The following RBFOX3 variants were observed in gnomAD, a reference collection of about 807,000 sequenced individuals.
The protein encoded by RBFOX3 is RNA binding fox-1 homolog 3.
RBFOX3 carries 17 observed loss-of-function variants against 48.7 expected under a neutral mutation model. The observed-to-expected ratio is 0.35, with a 90% CI of 0.24 to 0.52. The LOEUF (loss-of-function observed/expected upper bound fraction) is 0.52. Ranked by LOEUF, RBFOX3 falls within the 20% of genes least tolerant of loss-of-function variation. RBFOX3 has a pLI of 0.94. For synonymous variants in RBFOX3, 212 were observed against 209.5 expected, an observed-to-expected ratio of 1.01 and a Z score of -0.10; for missense variants, 382 against 497.5, an observed-to-expected ratio of 0.77 and a Z score of 2.21.
chr17:79,163,697 G>A (rs534187649), intron 4 of RBFOX3, among the ~76,000 whole-genome samples: 2 of 142,784 alleles, frequency 1.4e-5, no homozygotes, highest in East Asian at 2.4e-4. Context: ...CCACCCGCCC[G>A]CACCCCACTT....
intron 5 of RBFOX3, among the ~76,000 whole-genome samples, chr17:79,112,800 C>T (rs1235376551): frequency 1.3e-5 from 2 of 150,890 alleles, no homozygotes; most frequent in East Asian, 2.0e-4. Context: ...TCCCCTTGGG[C>T]GAGAGGGCGG....
intron 1 of RBFOX3, among the ~76,000 whole-genome samples, chr17:79,539,571 G>A (rs1181585220): frequency 1.3e-5 from 2 of 152,198 alleles, no homozygotes; most frequent in Non-Finnish European, 2.9e-5. Flanking sequence ...GCATGGTGGT[G>A]TCTGTGCATT....
intron 2 of RBFOX3, among the ~76,000 whole-genome samples, chr17:79,427,785 A>G (rs2067658204): frequency 6.6e-6 from 1 of 152,262 alleles, no homozygotes; most frequent in African/African-American, 2.4e-5. Context: ...ACAGATGCGC[A>G]CACACATATT....
chr17:79,527,215 A>G (rs2086915348), intron 1 of RBFOX3, among the ~76,000 whole-genome samples: 1 of 152,242 alleles, frequency 6.6e-6, no homozygotes, highest in Non-Finnish European at 1.5e-5. Flanking sequence ...GCGGATGCAG[A>G]GCACGCCTGC....
intron 2 of RBFOX3, among the ~76,000 whole-genome samples, chr17:79,395,561 C>T (rs769173330): frequency 1.3e-5 from 2 of 152,218 alleles, no homozygotes; most frequent in South Asian, 2.1e-4. Flanking sequence ...CAGTGGACAG[C>T]GAGGTTCCCT....
intron 1 of RBFOX3, among the ~76,000 whole-genome samples, chr17:79,561,642 C>T (rs1281729689): frequency 6.6e-6 from 1 of 152,172 alleles, no homozygotes; most frequent in Non-Finnish European, 1.5e-5. Context: ...CCCCTCGAGG[C>T]AAGCACCACC....
chr17:79,454,913 G>A (rs1254689344), intron 2 of RBFOX3, among the ~76,000 whole-genome samples: 3 of 152,188 alleles, frequency 2.0e-5, no homozygotes, highest in Non-Finnish European at 2.9e-5. Flanking sequence ...GCACCCAGAG[G>A]CAGGAGATAC....
chr17:79,478,701 C>T (rs2078334829), intron 2 of RBFOX3, among the ~76,000 whole-genome samples: 1 of 152,212 alleles, frequency 6.6e-6, no homozygotes. Context: ...GCAGATGACC[C>T]TCCTCTGGAG....
rs927859646 is a variant in RBFOX3, at chr17:79,249,246, G to A, written c.-73-13441C>T. ...GCGCGCTCAGGTCTTCAAAGCCACC[G>A]TTTGTGCTTGGGCTGCGGATTCTGG... is the stretch of plus-strand genomic sequence containing the variant. On this transcript the variant is annotated intron_variant, in intron 3 of 14. Coordinates refer to ENST00000693108, the MANE Select transcript of RBFOX3 (RefSeq NM_001350451.2). The surrounding 1 kb of genome is among the most constrained non-coding windows in gnomAD (Gnocchi z 4.1). 2.0e-5 allele frequency among the ~76,000 whole-genome samples: 3 copies of A among 152,156 alleles called. No homozygotes were observed. The highest frequency in any genetic ancestry group is 2.1e-4 in the South Asian group (1 of 4,830).
rs372557336 is a variant in RBFOX3, at chr17:79,464,667, AAAG to A, written c.-175+17784_-175+17786del. ...TAAGAAGCCAAAAAGGAAAAAAGAAAAAGAAGGAGAATACATTTCTGCCACTGC... is the reference window on the plus strand; with the variant it reads ...TAAGAAGCCAAAAAGGAAAAAAGAAAAAGGAGAATACATTTCTGCCACTGC... On this transcript the variant is annotated intron_variant, in intron 2 of 14. Transcript: ENST00000693108. Among the ~76,000 whole-genome samples the A allele has an allele frequency of 4.6e-5, 7 of 152,370 alleles. No individual in the cohort carries two copies. In the East Asian group the frequency reaches 7.7e-4, roughly 17 times the overall value.
At position 79,254,400 on chromosome 17, in the gene RBFOX3, C is replaced by A. The variant is rs1297468811; in HGVS notation, c.-73-18595G>T. Among the ~76,000 whole-genome samples, 3 of 151,794 alleles carry A rather than the reference C, an allele frequency of 2.0e-5. No homozygotes were observed. The highest frequency in any genetic ancestry group is 7.3e-5 in the African/African-American group (3 of 41,314). Reference sequence around the variant, plus strand: ...CTAGCTCCACATACCCCCAAACCTGCCCCCCAATCCAGGACACATGGCACC... The same window carrying A: ...CTAGCTCCACATACCCCCAAACCTGACCCCCAATCCAGGACACATGGCACC... On this transcript the variant is annotated intron_variant, in intron 3 of 14. Transcript: ENST00000693108. This position sits in a 1 kb window ranked among gnomAD's most constrained non-coding sequence, Gnocchi z 4.8.
chr17:79,523,715 A>G (rs2086429778), intron 1 of RBFOX3, among the ~76,000 whole-genome samples: 1 of 152,206 alleles, frequency 6.6e-6, no homozygotes, highest in Admixed American at 6.5e-5. Context: ...TGCCCTCGGG[A>G]CTCACAACCC....
intron 2 of RBFOX3, among the ~76,000 whole-genome samples, chr17:79,358,754 C>T (rs936401244): frequency 2.0e-5 from 3 of 152,240 alleles, no homozygotes; most frequent in Non-Finnish European, 4.4e-5. Context: ...AGCCTCCGTG[C>T]TCGGCCTGGT....
At chr17:79,224,331 T>A (rs901091030) in intron 4 of RBFOX3, among the ~76,000 whole-genome samples, 4 of 152,182 alleles carry the variant, frequency 2.6e-5, no homozygotes, top group Admixed American at 6.5e-5. Flanking sequence ...TCCTCATTGA[T>A]CTTAGTTCCG....
intron 1 of RBFOX3, among the ~76,000 whole-genome samples, chr17:79,500,764 C>A (rs2082279423): frequency 1.3e-5 from 2 of 152,316 alleles, no homozygotes; most frequent in African/African-American, 4.8e-5. Context: ...AACTTCCCTG[C>A]CTGCAGCCCC....
chr17:79,230,565 ATTC>A (rs1358250394), intron 4 of RBFOX3, among the ~76,000 whole-genome samples: 28 of 152,242 alleles, frequency 1.8e-4, no homozygotes, highest in Admixed American at 7.8e-4. Flanking sequence ...GGCTCTCCTT[ATTC>A]TTTACAATCA....
intron 2 of RBFOX3, among the ~76,000 whole-genome samples, chr17:79,445,492 G>A (rs906185058): frequency 6.6e-6 from 1 of 152,136 alleles, no homozygotes; most frequent in Non-Finnish European, 1.5e-5. Flanking sequence ...TTCCAGGACT[G>A]TCTACCCCAG....
At chr17:79,223,865 A>C (rs1324010899) in intron 4 of RBFOX3, among the ~76,000 whole-genome samples, 3 of 152,124 alleles carry the variant, frequency 2.0e-5, no homozygotes, top group African/African-American at 7.2e-5. Context: ...AGGAGAGGGG[A>C]TTTAGGAAGG....
At chr17:79,157,026 G>T (rs1170284991) in intron 4 of RBFOX3, among the ~76,000 whole-genome samples, 1 of 152,194 alleles carries the variant, frequency 6.6e-6, no homozygotes. Flanking sequence ...AGCAGCCCCT[G>T]CGCTCTCCTC....
Sources: gnomAD v4.1 joint callset for allele counts (sites outside exome capture counted in the v4.1 genomes callset) on GRCh38, gnomAD v4.1.1 for gene constraint, Gnocchi (gnomAD v3.1) non-coding constraint, MANE v1.5 for transcripts, NCBI Gene and HGNC (gene_info 2026-07-23, HGNC 2026-07-21) for gene names.